CDH4: variants seen among roughly 807,000 people sequenced by gnomAD.
CDH4 encodes the protein cadherin-4.
CDH4 carries 33 observed loss-of-function variants against 86.0 expected under a neutral mutation model. The ratio of observed to expected loss-of-function variants is 0.38; its 90% CI spans 0.29 to 0.51. The LOEUF (loss-of-function observed/expected upper bound fraction) is 0.51. Among genes scored for constraint, CDH4 ranks in the 20% least tolerant of loss-of-function variants. The probability of loss-of-function intolerance (pLI) is 0.86; values close to 1 mark genes in which losing one functional copy is unlikely to be tolerated. For synonymous variants in CDH4, 555 were observed against 549.4 expected, an observed-to-expected ratio of 1.01 and a Z score of -0.14; for missense variants, 1,114 against 1,307.4, an observed-to-expected ratio of 0.85 and a Z score of 2.28.
intron 4 of CDH4, among the ~76,000 whole-genome samples, chr20:61,825,100 C>A (rs1230749911): frequency 6.6e-6 from 1 of 152,028 alleles, no homozygotes; most frequent in East Asian, 1.9e-4. Context: ...TTCCTTCACC[C>A]CACGACTTTA....
intron 2 of CDH4, among the ~76,000 whole-genome samples, chr20:61,651,569 A>G (rs1307139322): frequency 6.6e-6 from 1 of 152,178 alleles, no homozygotes; most frequent in Non-Finnish European, 1.5e-5. Context: ...TCACACCTGC[A>G]CCGGGACTCT....
chr20:61,741,426 G>A (rs557843383), intron 2 of CDH4, among the ~76,000 whole-genome samples: 4 of 152,202 alleles, frequency 2.6e-5, no homozygotes, highest in Admixed American at 2.0e-4. Flanking sequence ...TCATTCAGAC[G>A]TTGGTGGCCC....
At chr20:61,331,609 C>A (rs1357001625) in intron 2 of CDH4, among the ~76,000 whole-genome samples, 1 of 142,732 alleles carries the variant, frequency 7.0e-6, no homozygotes, top group South Asian at 2.3e-4. Flanking sequence ...GCCCCGGCCA[C>A]CTGCCCCAGG....
intron 2 of CDH4, among the ~76,000 whole-genome samples, chr20:61,720,044 T>C (rs1378375126): frequency 6.6e-6 from 1 of 152,100 alleles, no homozygotes; most frequent in Non-Finnish European, 1.5e-5. Context: ...CATGTCTCAG[T>C]AACGGAGAAG....
chr20:61,477,076 G>A (rs371970392), intron 2 of CDH4, among the ~76,000 whole-genome samples: 1 of 152,212 alleles, frequency 6.6e-6, no homozygotes, highest in Non-Finnish European at 1.5e-5. Context: ...CAGGGAGGAC[G>A]TGTGGACACT....
chr20:61,910,065 C>T (rs2054832320), intron 8 of CDH4, among the ~76,000 whole-genome samples: 1 of 152,256 alleles, frequency 6.6e-6, no homozygotes, highest in South Asian at 2.1e-4. Flanking sequence ...CCCTGAGCAG[C>T]CTGTCTTCTC....
At position 61,810,861 on chromosome 20, in the gene CDH4, T is replaced by G. The variant is rs1980397529; in HGVS notation, c.577-33807T>G. On this transcript the variant is annotated intron_variant, in intron 4 of 15. Coordinates refer to ENST00000614565, the MANE Select transcript of CDH4 (RefSeq NM_001794.5). This position sits in a 1 kb window ranked among gnomAD's most constrained non-coding sequence, Gnocchi z 4.3. ...CAGAGCCACTGCCCCTTGGCCCGGC[T>G]TCTCCAGAACGCAGCCAGCACAGAG... is the stretch of plus-strand genomic sequence containing the variant. Among the ~76,000 whole-genome samples the G allele has an allele frequency of 6.6e-6, 1 of 152,154 alleles. No homozygotes were observed. Among genetic ancestry groups the G allele is most frequent in the South Asian group, 2.1e-4 (1 of 4,824 alleles).
chr20:61,861,532 C>T (rs1026446035), intron 6 of CDH4, among the ~76,000 whole-genome samples: 1 of 152,166 alleles, frequency 6.6e-6, no homozygotes, highest in African/African-American at 2.4e-5. Flanking sequence ...GCCTCCCCTT[C>T]CCCGCCTGTG....
chr20:61,785,780 A>G (rs1468564652), intron 4 of CDH4, among the ~76,000 whole-genome samples: 1 of 152,236 alleles, frequency 6.6e-6, no homozygotes, highest in Non-Finnish European at 1.5e-5. Flanking sequence ...ATTTGGGGCC[A>G]GCTTAGCCAC....
At chr20:61,692,602 A>G (rs2087671773) in intron 2 of CDH4, among the ~76,000 whole-genome samples, 1 of 152,352 alleles carries the variant, frequency 6.6e-6, no homozygotes, top group South Asian at 2.1e-4. Flanking sequence ...TAATTGGACC[A>G]GGAAATTTTC....
intron 2 of CDH4, among the ~76,000 whole-genome samples, chr20:61,673,675 G>A (rs1230113550): frequency 1.3e-5 from 2 of 152,212 alleles, no homozygotes; most frequent in Non-Finnish European, 2.9e-5. Context: ...GGGTCTGGCG[G>A]TTGAGTGCAG....
chr20:61,273,419 A>G (rs1189179151), intron 2 of CDH4, among the ~76,000 whole-genome samples: 37 of 76,442 alleles, frequency 4.8e-4, no homozygotes, highest in African/African-American at 1.9e-3. Flanking sequence ...GGGGAGTACC[A>G]TGTGCAGTTT....
chr20:61,877,909 G>A (rs1984108576), intron 7 of CDH4, among the ~76,000 whole-genome samples: 1 of 152,120 alleles, frequency 6.6e-6, no homozygotes, highest in Admixed American at 6.5e-5. Context: ...GTCTTTGGCT[G>A]GGAGGACCCC....
intron 2 of CDH4, among the ~76,000 whole-genome samples, chr20:61,456,321 G>A (rs538690751): frequency 3.3e-5 from 5 of 152,202 alleles, no homozygotes; most frequent in African/African-American, 9.7e-5. Context: ...GTTGGCTTTT[G>A]GAAGAACATT....
intron 8 of CDH4, among the ~76,000 whole-genome samples, chr20:61,899,631 G>A (rs1438788974): frequency 6.6e-6 from 1 of 152,150 alleles, no homozygotes; most frequent in Non-Finnish European, 1.5e-5. Context: ...GTTTCACTGT[G>A]TTAGCCAGGA....
At chr20:61,880,576 G>C (rs536290064) in intron 7 of CDH4, among the ~76,000 whole-genome samples, 1 of 152,292 alleles carries the variant, frequency 6.6e-6, no homozygotes, top group Non-Finnish European at 1.5e-5. Context: ...CGAAACAGAG[G>C]CCTCGGCTCC....
In CDH4 at chr20:61,937,073, CCCCACGTTGAGCTGTCTAGCATGAGCA is replaced by C; in HGVS notation, c.*136_*162del. 3 of 703,934 alleles carry C rather than the reference CCCCACGTTGAGCTGTCTAGCATGAGCA, an allele frequency of 4.3e-6. No individual in the cohort carries two copies. The highest frequency in any genetic ancestry group is 6.5e-6 in the Non-Finnish European group (3 of 459,642). 43.6% of individuals were successfully genotyped at this position (703,934 alleles called of 1,614,324 possible). ...TAGTGCTGTTAGGAGGCCCCCCAAT[CCCCACGTTGAGCTGTCTAGCATGAGCA>C]CCCACCCCCACAGCGCCCTGCACCC... On this transcript the variant is annotated 3_prime_UTR_variant, in exon 16 of 16. Coordinates refer to ENST00000614565, the MANE Select transcript of CDH4 (RefSeq NM_001794.5).
chr20:61,483,508 G>A (rs2085579132), intron 2 of CDH4, among the ~76,000 whole-genome samples: 1 of 152,162 alleles, frequency 6.6e-6, no homozygotes, highest in Admixed American at 6.5e-5. Context: ...CTCTTCTCAG[G>A]GATGGGCTTG....
chr20:61,456,275 T>C (rs558849485), intron 2 of CDH4, among the ~76,000 whole-genome samples: 37 of 152,360 alleles, frequency 2.4e-4, no homozygotes, highest in Non-Finnish European at 4.3e-4. Context: ...CACTGCTAAA[T>C]AGAATGTGTT....
Sources: gnomAD v4.1 joint callset for allele counts (sites outside exome capture counted in the v4.1 genomes callset) on GRCh38, gnomAD v4.1.1 for gene constraint, Gnocchi (gnomAD v3.1) non-coding constraint, MANE v1.5 for transcripts, NCBI Gene and HGNC (gene_info 2026-07-23, HGNC 2026-07-21) for gene names.